Variants in ENTPD1 observed in about 807,000 individuals in gnomAD.
ENTPD1 encodes the protein ATP diphosphohydrolase.
A neutral mutation model predicts 57.0 loss-of-function variants in ENTPD1; 33 were observed. That is an observed-to-expected ratio of 0.58 (90% CI 0.44 to 0.77). The LOEUF (loss-of-function observed/expected upper bound fraction) is 0.77. Among genes scored for constraint, ENTPD1 ranks in the 30% least tolerant of loss-of-function variants. ENTPD1 has a pLI of 0.00. For missense variants in ENTPD1, 501 were observed against 603.4 expected, an observed-to-expected ratio of 0.83 and a Z score of 1.78; for synonymous variants, 202 against 218.8, an observed-to-expected ratio of 0.92 and a Z score of 0.68.
chr10:95,753,637 A>G (rs1382379630), upstream of ENTPD1: 1 of 152,194 alleles, frequency 6.6e-6, no homozygotes, highest in African/African-American at 2.4e-5. Flanking sequence ...TGTCAAAGTA[A>G]CCTTTTGTCG....
the ENTPD1 span, among the ~76,000 whole-genome samples, chr10:95,698,205 G>A: frequency 6.6e-5 from 10 of 152,208 alleles, no homozygotes; most frequent in Non-Finnish European, 1.3e-4. Context: ...GCTGAACTGT[G>A]TCCATGCCTG....
intron 6 of ENTPD1, 188 bp downstream of exon 6, chr10:95,845,784 C>T (rs1408219977): frequency 4.8e-6 from 4 of 834,944 alleles, no homozygotes; most frequent in Non-Finnish European, 7.6e-6. Flanking sequence ...GACATCCCCT[C>T]CCATGTTTGT....
intron 2 of ENTPD1, among the ~76,000 whole-genome samples, chr10:95,831,358 T>C (rs2098396246): frequency 6.6e-6 from 1 of 152,206 alleles, no homozygotes; most frequent in Non-Finnish European, 1.5e-5. Context: ...TGCCTTGGGT[T>C]TGAATCTTCG....
chr10:95,847,828 T>TA lies in ENTPD1; in HGVS notation c.1074+123dup, dbSNP rs2098438354. On this transcript the variant is annotated intron_variant, in intron 7 of 9. Transcript: ENST00000371205. ...TACATAATGTCTTGAGGTAGATGATTAGGGGTTGGTTCTTCAGCTCAACTA... is the reference window on the plus strand; with the variant it reads ...TACATAATGTCTTGAGGTAGATGATTAAGGGGTTGGTTCTTCAGCTCAACTA... The TA allele has an allele frequency of 2.1e-6, 3 of 1,425,578 alleles. No individual in the cohort carries two copies. In the African/African-American group the frequency reaches 4.2e-5, roughly 20 times the overall value. The allele number at this position is 1,425,578 out of a possible 1,614,324, so 88.3% of individuals were successfully genotyped here.
Position 95,820,447 on chromosome 10 carries a change from G to A in ENTPD1, c.17-2790G>A, listed in dbSNP as rs530994936. ...AAAAGCTGGGAAAATGTGGAAAAGTGTACATCTAACTCCTCAATGACAAGA... is the reference window on the plus strand; with the variant it reads ...AAAAGCTGGGAAAATGTGGAAAAGTATACATCTAACTCCTCAATGACAAGA... On this transcript the variant is annotated intron_variant, in intron 1 of 9. Coordinates refer to ENST00000371205, the MANE Select transcript of ENTPD1 (RefSeq NM_001776.6). Among the ~76,000 whole-genome samples, 179 of 152,294 alleles carry A rather than the reference G, an allele frequency of 1.2e-3. 1 individual carries two copies. Among genetic ancestry groups the A allele is most frequent in the African/African-American group, 4.1e-3 (170 of 41,552 alleles).
chr10:95,831,732 G>A (rs1415733488), intron 2 of ENTPD1, among the ~76,000 whole-genome samples: 2 of 152,238 alleles, frequency 1.3e-5, no homozygotes, highest in Non-Finnish European at 2.9e-5. Context: ...CCCTGCTGGG[G>A]AGATAGTGCC....
chr10:95,706,806 G>A (rs1336795485), upstream of ENTPD1, among the ~76,000 whole-genome samples: 1 of 152,142 alleles, frequency 6.6e-6, no homozygotes, highest in African/African-American at 2.4e-5. Flanking sequence ...CAGCTTTCAG[G>A]CCCTCCATGG....
chr10:95,774,860 C>T (rs1394816403), intron 1 of ENTPD1, among the ~76,000 whole-genome samples: 1 of 152,136 alleles, frequency 6.6e-6, no homozygotes, highest in Non-Finnish European at 1.5e-5. Context: ...TTTTCCAATT[C>T]TGTGAAGAAA....
intron 1 of ENTPD1, among the ~76,000 whole-genome samples, chr10:95,762,576 T>C (rs2098070125): frequency 6.6e-6 from 1 of 152,216 alleles, no homozygotes; most frequent in Non-Finnish European, 1.5e-5. Context: ...TTTGTTAGCG[T>C]AATTTTTATA....
At chr10:95,731,781 CTTTTTT>C (rs34841311) in intron 1 of ENTPD1, among the ~76,000 whole-genome samples, 3 of 79,180 alleles carry the variant, frequency 3.8e-5, no homozygotes, top group African/African-American at 5.4e-5. Context: ...AGTGGACATC[CTTTTTT>C]TTTTTTTTTT....
At chr10:95,745,592 A>T (rs965155415) in intron 1 of ENTPD1, among the ~76,000 whole-genome samples, 2 of 152,224 alleles carry the variant, frequency 1.3e-5, no homozygotes, top group Non-Finnish European at 2.9e-5. Context: ...GTTAAAGGGG[A>T]TATTTCAACA....
chr10:95,846,018 AAAC>A (rs2098434969), intron 6 of ENTPD1: 1 of 208,082 alleles, frequency 4.8e-6, no homozygotes, highest in Non-Finnish European at 9.8e-6. Flanking sequence ...AAAAAAAAAA[AAAC>A]ACTTCAGGAG....
At chr10:95,764,333 A>G (rs2098079795) in intron 1 of ENTPD1, among the ~76,000 whole-genome samples, 1 of 152,214 alleles carries the variant, frequency 6.6e-6, no homozygotes, top group African/African-American at 2.4e-5. Context: ...GACATTATGA[A>G]TAATGCTGCT....
intron 7 of ENTPD1, among the ~76,000 whole-genome samples, chr10:95,851,089 A>C (rs913847827): frequency 2.6e-5 from 4 of 152,236 alleles, no homozygotes; most frequent in African/African-American, 9.6e-5. Flanking sequence ...GGAATTACTT[A>C]TGAGGTAATT....
chr10:95,760,892 C>T (rs1391155283), intron 1 of ENTPD1, among the ~76,000 whole-genome samples: 8 of 130,686 alleles, frequency 6.1e-5, no homozygotes, highest in African/African-American at 1.2e-4. Flanking sequence ...TGCAGTGGCG[C>T]GATCTCAGCT....
intron 1 of ENTPD1, among the ~76,000 whole-genome samples, chr10:95,717,497 T>C (rs939895075): frequency 2.6e-5 from 4 of 152,138 alleles, no homozygotes; most frequent in African/African-American, 9.7e-5. Flanking sequence ...TCAGGTGATA[T>C]ATGATTTGAC....
At chr10:95,807,294 G>T (rs1282908881) in intron 1 of ENTPD1, among the ~76,000 whole-genome samples, 1 of 152,222 alleles carries the variant, frequency 6.6e-6, no homozygotes, top group African/African-American at 2.4e-5. Flanking sequence ...ACAAGGCTCC[G>T]TGGGTGTGTG....
chr10:95,803,146 G>A (rs900637197), intron 1 of ENTPD1, among the ~76,000 whole-genome samples: 2 of 152,158 alleles, frequency 1.3e-5, no homozygotes, highest in African/African-American at 4.8e-5. Context: ...ATTGCTTTGG[G>A]CGGTATGGCC....
At chr10:95,828,381 T>C (rs943618373) in intron 2 of ENTPD1, among the ~76,000 whole-genome samples, 2 of 152,202 alleles carry the variant, frequency 1.3e-5, no homozygotes, top group African/African-American at 4.8e-5. Context: ...TTCTACATTA[T>C]GGTGAGTTGT....
Sources: gnomAD v4.1 joint callset for allele counts (sites outside exome capture counted in the v4.1 genomes callset) on GRCh38, gnomAD v4.1.1 for gene constraint, MANE v1.5 for transcripts, NCBI Gene and HGNC (gene_info 2026-07-23, HGNC 2026-07-21) for gene names.